The following CMTM7 variants were observed in gnomAD, a reference collection of about 807,000 sequenced individuals.
The protein encoded by CMTM7 is CKLF like MARVEL transmembrane domain containing 7.
A neutral mutation model predicts 19.3 loss-of-function variants in CMTM7; 7 were observed. The ratio of observed to expected loss-of-function variants is 0.36; its 90% CI spans 0.21 to 0.68. CMTM7 has a LOEUF of 0.68. Among genes scored for constraint, CMTM7 ranks in the 30% least tolerant of loss-of-function variants. The pLI, the probability that CMTM7 is intolerant of heterozygous loss-of-function variation, is 0.60. For synonymous variants in CMTM7, 87 were observed against 99.3 expected, an observed-to-expected ratio of 0.88 and a Z score of 0.74; for missense variants, 193 against 232.6, an observed-to-expected ratio of 0.83 and a Z score of 1.11.
rs1409653599 is a variant in CMTM7 at position 32,454,960 on chromosome 3, G to A, written c.*706G>A. On this transcript the variant is annotated 3_prime_UTR_variant, in exon 5 of 5. Coordinates refer to ENST00000334983, the MANE Select transcript of CMTM7 (RefSeq NM_138410.4). ...CCGTGCTCTGTGTGTGCCCCTTGCT[G>A]AACTGCTGGACTTCAGGTTTTCTCT... 2 of 158,934 alleles carry A rather than the reference G, an allele frequency of 1.3e-5. No individual in the cohort carries two copies. 9.8% of individuals were successfully genotyped at this position (158,934 alleles called of 1,614,324 possible). A position where few individuals can be genotyped will look rare whatever the true frequency, so the allele number is the denominator to read the frequency against.
chr3:32,425,831 C>T (rs28395451), intron 1 of CMTM7, among the ~76,000 whole-genome samples: 5 of 152,236 alleles, frequency 3.3e-5, no homozygotes, highest in East Asian at 1.9e-4. Flanking sequence ...GGACACCGGT[C>T]GGCACCTGGT....
intron 1 of CMTM7, among the ~76,000 whole-genome samples, chr3:32,429,489 C>T (rs1468794607): frequency 6.6e-6 from 1 of 151,610 alleles, no homozygotes; most frequent in Non-Finnish European, 1.5e-5. Flanking sequence ...GACAGGGTTT[C>T]ACCATGTTGA....
intron 4 of CMTM7, among the ~76,000 whole-genome samples, chr3:32,452,746 T>C (rs1203772540): frequency 6.6e-6 from 1 of 150,940 alleles, no homozygotes; most frequent in Non-Finnish European, 1.5e-5. Flanking sequence ...TCTTTCTTTT[T>C]CTTTACTTTT....
At chr3:32,396,794 C>T (rs1347829779) in intron 1 of CMTM7, among the ~76,000 whole-genome samples, 3 of 152,148 alleles carry the variant, frequency 2.0e-5, no homozygotes, top group African/African-American at 7.2e-5. Context: ...TGAAAGGCAT[C>T]CCCTGAGTGC....
chr3:32,407,477 C>T (rs9841130), intron 1 of CMTM7, among the ~76,000 whole-genome samples: 10,318 of 152,178 alleles, frequency 0.068, 810 homozygotes, highest in East Asian at 0.31. Context: ...ACAAATAACT[C>T]GACCACATCT....
intron 1 of CMTM7, among the ~76,000 whole-genome samples, chr3:32,435,095 G>A (rs1404886385): frequency 1.3e-5 from 2 of 152,202 alleles, no homozygotes; most frequent in Admixed American, 6.5e-5. Context: ...TTCACTTCTA[G>A]GAGTCTATCA....
chr3:32,398,587 G>T (rs550483549), intron 1 of CMTM7, among the ~76,000 whole-genome samples: 1 of 152,170 alleles, frequency 6.6e-6, no homozygotes, highest in Admixed American at 6.5e-5. Flanking sequence ...GTACTCAGTG[G>T]TATAGAGCAT....
At chr3:32,439,796 G>A in intron 1 of CMTM7, among the ~76,000 whole-genome samples, 1 of 152,186 alleles carries the variant, frequency 6.6e-6, no homozygotes, top group East Asian at 1.9e-4. Context: ...ATTGTAGACT[G>A]ACATTTTCTA....
intron 1 of CMTM7, among the ~76,000 whole-genome samples, chr3:32,417,538 G>A (rs1013768156): frequency 6.6e-6 from 1 of 152,054 alleles, no homozygotes; most frequent in African/African-American, 2.4e-5. Context: ...GTTTTTCTTG[G>A]GTGTATAAAT....
chr3:32,425,826 C>G (rs1696422985), intron 1 of CMTM7, among the ~76,000 whole-genome samples: 1 of 152,156 alleles, frequency 6.6e-6, no homozygotes, highest in South Asian at 2.1e-4. Context: ...GGAAAGGACA[C>G]CGGTCGGCAC....
chr3:32,410,539 A>T (rs1317198827), intron 1 of CMTM7, among the ~76,000 whole-genome samples: 1 of 152,208 alleles, frequency 6.6e-6, no homozygotes, highest in Non-Finnish European at 1.5e-5. Flanking sequence ...CAGCAGTGGA[A>T]AGAGCCCTTC....
chr3:32,416,361 A>ATTTTTTTTTTTTTTT (rs58085712), intron 1 of CMTM7, among the ~76,000 whole-genome samples: 4 of 72,420 alleles, frequency 5.5e-5, no homozygotes, highest in Admixed American at 1.7e-4. Context: ...ATCCGGGCTA[A>ATTTTTTTTTTTTTTT]TTTTTTTTTT....
intron 1 of CMTM7, among the ~76,000 whole-genome samples, chr3:32,432,416 C>T (rs1192459647): frequency 6.6e-6 from 1 of 152,226 alleles, no homozygotes; most frequent in Non-Finnish European, 1.5e-5. Context: ...CCGCCCATTC[C>T]TCTCTATGCT....
intron 1 of CMTM7, among the ~76,000 whole-genome samples, chr3:32,420,653 A>C (rs894702656): frequency 1.2e-4 from 18 of 152,300 alleles, no homozygotes; most frequent in African/African-American, 3.6e-4. Flanking sequence ...CAAGGTGTCC[A>C]CGCCATAGTC....
rs988335616 is a variant in CMTM7, at chr3:32,452,479, T to C, written c.514+6T>C. 6.2e-7 allele frequency: 1 copy of C among 1,613,402 alleles called. No individual in the cohort carries two copies. Among genetic ancestry groups the C allele is most frequent in the African/African-American group, 1.3e-5 (1 of 74,950 alleles). ...GTGTGTAACCCAGTCCACAGGTGAG[T>C]TCTGGTTATCTGTGCACAGAGGATC... On this transcript the variant is annotated splice_donor_region_variant and intron_variant, in intron 4 of 4. Transcript: ENST00000334983.
At chr3:32,444,100 G>A (rs921435660) in intron 2 of CMTM7, among the ~76,000 whole-genome samples, 4 of 151,494 alleles carry the variant, frequency 2.6e-5, no homozygotes, top group Non-Finnish European at 4.4e-5. Flanking sequence ...TTTAGCTCAC[G>A]CTTTTCTTAC....
At chr3:32,393,701 G>A (rs1354356783) in intron 1 of CMTM7, among the ~76,000 whole-genome samples, 2 of 145,564 alleles carry the variant, frequency 1.4e-5, no homozygotes, top group Non-Finnish European at 3.0e-5. Context: ...GAGGTGAGAG[G>A]ATTGATTGAA....
intron 1 of CMTM7, among the ~76,000 whole-genome samples, chr3:32,397,982 T>A (rs939195780): frequency 6.6e-6 from 1 of 152,184 alleles, no homozygotes; most frequent in South Asian, 2.1e-4. Context: ...GCAAAGGTGA[T>A]ATTTAAATTG....
At chr3:32,436,332 G>A (rs347142) in intron 1 of CMTM7, among the ~76,000 whole-genome samples, 117,686 of 152,030 alleles carry the variant, frequency 0.77, 45,825 homozygotes, top group Non-Finnish European at 0.79. Flanking sequence ...TTAGATGATG[G>A]TGACTTTAAC....
Sources: gnomAD v4.1 joint callset for allele counts (sites outside exome capture counted in the v4.1 genomes callset) on GRCh38, gnomAD v4.1.1 for gene constraint, MANE v1.5 for transcripts, NCBI Gene and HGNC (gene_info 2026-07-23, HGNC 2026-07-21) for gene names.